Variants in GNPTAB observed in about 807,000 individuals in gnomAD.
The protein encoded by GNPTAB is N-acetylglucosamine-1-phosphotransferase subunits alpha/beta.
A neutral mutation model predicts 136.6 loss-of-function variants in GNPTAB; 92 were observed. The ratio of observed to expected loss-of-function variants is 0.67; its 90% CI spans 0.57 to 0.80. The LOEUF is 0.80. Among genes scored for constraint, GNPTAB ranks in the 30% least tolerant of loss-of-function variants. The pLI, the probability that GNPTAB is intolerant of heterozygous loss-of-function variation, is 0.00. For missense variants in GNPTAB, 1,343 were observed against 1,501.8 expected (o/e 0.89, Z 1.75); for synonymous variants, 512 against 535.1 (o/e 0.96, Z 0.60).
rs532010201 is a variant in GNPTAB at position 101,826,738 on chromosome 12, T to C, written c.117+3821A>G. Among the ~76,000 whole-genome samples, 6 of 152,232 alleles carry C rather than the reference T, an allele frequency of 3.9e-5. No homozygotes were observed. The South Asian group carries it at 8.3e-4, about 21-fold the overall frequency. ...ATAAATTTTAACTCAAAAACACGTT[T>C]TAAAATCTATACAGTAGCAACTAAC... On this transcript the variant is annotated intron_variant, in intron 1 of 20. Transcript: ENST00000299314.
rs1236456561 is a variant in GNPTAB, at chr12:101,796,691, C to A, written c.189G>T (p.Lys63Asn). 1 of 1,609,066 alleles carries A rather than the reference C, an allele frequency of 6.2e-7. No homozygotes were observed. Among genetic ancestry groups the A allele is most frequent in the African/African-American group, 1.3e-5 (1 of 74,950 alleles). Residue 63 changes from lysine (K) to asparagine (N), a missense_variant, in exon 2 of 21, where the codon AAG becomes AAT. Lys to Asn is a moderately conservative substitution (Grantham distance 94, BLOSUM62 0). Transcript: ENST00000299314. ...ATAGATCTTACCGATTCTGAAAGGA[C>A]TTTCCAGCAATATTGTCTCTATAGG... ...FDSYRDNIAGKSFQNRLCLPM... is the reference protein window; with the variant it reads ...FDSYRDNIAGNSFQNRLCLPM...
rs1952730887 is a variant in GNPTAB at position 101,746,143 on chromosome 12, T to C, written c.*1021A>G. 1 of 152,168 alleles carries C rather than the reference T, an allele frequency of 6.6e-6. No homozygotes were observed. Among genetic ancestry groups the C allele is most frequent in the African/African-American group, 2.4e-5 (1 of 41,436 alleles). 9.4% of individuals were successfully genotyped at this position (152,168 alleles called of 1,614,324 possible). A position where few individuals can be genotyped will look rare whatever the true frequency, so the allele number is the denominator to read the frequency against. On this transcript the variant is annotated 3_prime_UTR_variant, in exon 21 of 21. Transcript: ENST00000299314. ...TTTTTGTACAGCTGCAAGCTAAACA[T>C]GGTTTTTACATTTTTAGAGGGTTGT...
At chr12:101,810,135 T>C (rs1455003939) in intron 1 of GNPTAB, among the ~76,000 whole-genome samples, 3 of 151,910 alleles carry the variant, frequency 2.0e-5, no homozygotes, top group African/African-American at 7.3e-5. Context: ...TACACCCAGC[T>C]ACTTGGGAGG....
At chr12:101,827,419 TG>T (rs1871146681) in intron 1 of GNPTAB, among the ~76,000 whole-genome samples, 1 of 152,006 alleles carries the variant, frequency 6.6e-6, no homozygotes, top group Non-Finnish European at 1.5e-5. Flanking sequence ...TATTTTTTTT[TG>T]TAGAGACAGG....
chr12:101,801,018 G>A (rs151337108), intron 1 of GNPTAB, among the ~76,000 whole-genome samples: 54 of 151,978 alleles, frequency 3.6e-4, no homozygotes, highest in Middle Eastern at 3.4e-3. Context: ...AGAATCACTT[G>A]AGGCCAGGAG....
In GNPTAB at chr12:101,830,625, C is replaced by A; in HGVS notation, c.51G>T (p.Arg17Ser). 1 of 1,613,092 alleles carries A rather than the reference C, an allele frequency of 6.2e-7. No homozygotes were observed. The highest frequency in any genetic ancestry group is 8.5e-7 in the Non-Finnish European group (1 of 1,179,312). ...CCAAGAAGCACACGTAGAGCCCATA[C>A]CTGTGGGACAGGCAGGTATAGGTCT... The part of the protein sequence containing the change: ...QRQTYTCLSH[R>S]YGLYVCFLGV... The change falls in exon 1 of 21, where the codon AGG becomes AGT. Residue 17 changes from arginine (R) to serine (S), a missense_variant. Transcript: ENST00000299314.
chr12:101,819,507 G>A (rs552131448), intron 1 of GNPTAB, among the ~76,000 whole-genome samples: 2 of 152,096 alleles, frequency 1.3e-5, no homozygotes, highest in South Asian at 2.1e-4. Context: ...ATGAAGGGGG[G>A]GAAAAAGGTT....
intron 5 of GNPTAB, chr12:101,785,803 T>C (rs1868609656): frequency 1.8e-6 from 1 of 552,572 alleles, no homozygotes; most frequent in Admixed American, 3.1e-5. Context: ...CACAGAAAGG[T>C]ATGTGTATTA....
Position 101,764,559 on chromosome 12 carries a change from C to G in GNPTAB, c.2358G>C (p.Gln786His), listed in dbSNP as rs1164977543. 2 of 1,613,480 alleles carry G rather than the reference C, an allele frequency of 1.2e-6. No homozygotes were observed. Among genetic ancestry groups the G allele is most frequent in the Non-Finnish European group, 1.7e-6 (2 of 1,179,854 alleles). The change falls in exon 13 of 21, where the codon CAG (glutamine) becomes CAC (histidine). Residue 786 changes from glutamine (Q) to histidine (H), a missense_variant. Transcript: ENST00000299314. ...CACTCACTGCAGGAAAAGTCAACCT[C>G]TGCAATCTTTCAGACACTCCTAAGC... ...PNSLGVSERLQRLTFPAVSVK... is the reference protein window; with the variant it reads ...PNSLGVSERLHRLTFPAVSVK...
In GNPTAB at chr12:101,770,976, AG is replaced by A. The variant is rs1466554298; in HGVS notation, c.933+19del. The A allele has an allele frequency of 5.0e-6, 8 of 1,611,750 alleles. No homozygotes were observed. The highest frequency in any genetic ancestry group is 5.9e-6 in the Non-Finnish European group (7 of 1,178,010). On this transcript the variant is annotated intron_variant, in intron 8 of 20. Coordinates refer to ENST00000299314, the MANE Select transcript of GNPTAB (RefSeq NM_024312.5). ...CTTAACCTTTGATTTGGGCTGTAAA[AG>A]CTTCTGTGCATCCCTTACCTGGCTG...
intron 7 of GNPTAB, among the ~76,000 whole-genome samples, chr12:101,771,999 C>T (rs918410802): frequency 1.3e-5 from 2 of 152,242 alleles, no homozygotes; most frequent in Non-Finnish European, 2.9e-5. Flanking sequence ...GGAGCACCTT[C>T]GGCAGGACTG....
At chr12:101,760,190 T>C in intron 15 of GNPTAB, 47 bp from the exon 16 acceptor site, 1 of 1,142,116 alleles carries the variant, frequency 8.8e-7, no homozygotes, top group East Asian at 2.3e-5. Flanking sequence ...TTGTAAGTAA[T>C]GACTGTGGTT....
At chr12:101,815,950 G>C (rs903061445) in intron 1 of GNPTAB, among the ~76,000 whole-genome samples, 10 of 152,154 alleles carry the variant, frequency 6.6e-5, no homozygotes, top group Non-Finnish European at 1.5e-4. Flanking sequence ...GATGGGGAAA[G>C]GACAGTCTCT....
rs757111810 is a variant in GNPTAB at position 101,747,120 on chromosome 12, T to C, written c.*44A>G. The stretch of plus-strand genomic sequence containing the variant: ...ATCTCTGTGAAGCTGAGTTTTAAAA[T>C]GCTCAGTAAATGCTGAGGTAGATGG... On this transcript the variant is annotated 3_prime_UTR_variant, in exon 21 of 21. Coordinates refer to ENST00000299314, the MANE Select transcript of GNPTAB (RefSeq NM_024312.5). 7 of 1,091,842 alleles carry C rather than the reference T, an allele frequency of 6.4e-6. No individual in the cohort carries two copies. Among genetic ancestry groups the C allele is most frequent in the Admixed American group, 1.7e-5 (1 of 59,262 alleles). The allele number at this position is 1,091,842 out of a possible 1,614,324, so 67.6% of individuals were successfully genotyped here.
intron 20 of GNPTAB, 43 bp downstream of exon 20, chr12:101,749,058 A>G: frequency 1.8e-6 from 2 of 1,119,234 alleles, no homozygotes; most frequent in Non-Finnish European, 2.7e-6. Context: ...CTAGTATACC[A>G]AGAAATACCA....
At chr12:101,752,194 C>T (rs1176165064) in intron 19 of GNPTAB, among the ~76,000 whole-genome samples, 1 of 152,014 alleles carries the variant, frequency 6.6e-6, no homozygotes, top group Non-Finnish European at 1.5e-5. Flanking sequence ...GAGCCTGAGG[C>T]GGGAGGATCG....
At chr12:101,773,094 A>G (rs553663116) in intron 7 of GNPTAB, 7 of 219,912 alleles carry the variant, frequency 3.2e-5, no homozygotes, top group African/African-American at 4.7e-5. Context: ...TACAGGCGTA[A>G]GCCACCAGGC....
intron 5 of GNPTAB, among the ~76,000 whole-genome samples, chr12:101,785,058 T>C (rs1054787261): frequency 1.2e-4 from 19 of 152,348 alleles, no homozygotes; most frequent in African/African-American, 4.3e-4. Flanking sequence ...TCTGTTGTCT[T>C]ATAAATAACA....
At chr12:101,808,723 G>C (rs928970362) in intron 1 of GNPTAB, among the ~76,000 whole-genome samples, 1 of 152,108 alleles carries the variant, frequency 6.6e-6, no homozygotes, top group Non-Finnish European at 1.5e-5. Context: ...GAGGCGAGTG[G>C]ATCACCTGAG....
Sources: allele counts gnomAD v4.1 joint callset (sites outside exome capture counted in the v4.1 genomes callset), GRCh38; gene constraint gnomAD v4.1.1; transcripts MANE v1.5; gene names NCBI Gene and HGNC (gene_info 2026-07-23, HGNC 2026-07-21).